Variants in GPR141 observed in about 807,000 individuals in gnomAD.
GPR141 encodes the protein probable G protein-coupled receptor 141.
A neutral mutation model predicts 6.8 loss-of-function variants in GPR141; 6 were observed. The observed-to-expected ratio is 0.88, with a 90% CI of 0.48 to 1.74. The LOEUF is 1.74. Ranked by LOEUF, GPR141 falls within the 40% of genes most tolerant of loss-of-function variation. The pLI is 0.01. For synonymous variants in GPR141, 140 were observed against 142.3 expected (o/e 0.98, Z 0.11); for missense variants, 372 against 372.9 (o/e 1.00, Z 0.02).
At chr7:37,713,872 C>A (rs1390107013) in intron 2 of GPR141, among the ~76,000 whole-genome samples, 1 of 152,158 alleles carries the variant, frequency 6.6e-6, no homozygotes, top group Non-Finnish European at 1.5e-5. Context: ...TTAAACCTTA[C>A]AACAATACTG....
chr7:37,740,531 C>T lies in GPR141; in HGVS notation c.138C>T (p.Asn46=), dbSNP rs768624883. 4 of 1,613,962 alleles carry T rather than the reference C, an allele frequency of 2.5e-6. No homozygotes were observed. Among genetic ancestry groups the T allele is most frequent in the Admixed American group, 1.7e-5 (1 of 59,982 alleles). Reference sequence around the variant, plus strand: ...TTCTTTTCCTCCTGGTGAAAATGAACACCCGGTCAGTGACCACCATGGCGG... The same window carrying T: ...TTCTTTTCCTCCTGGTGAAAATGAATACCCGGTCAGTGACCACCATGGCGG... ...ISILFLLVKM[N]TRSVTTMAVI... The change falls in exon 3 of 3, where the codon AAC becomes AAT. Residue 46 remains asparagine (N), a synonymous_variant. Transcript: ENST00000334425.
intron 2 of GPR141, among the ~76,000 whole-genome samples, chr7:37,718,567 G>C (rs1811163204): frequency 6.7e-6 from 1 of 149,062 alleles, no homozygotes; most frequent in Non-Finnish European, 1.5e-5. Flanking sequence ...AAAGAAAGAA[G>C]GAAGGGATTC....
At chr7:37,686,241 G>C (rs1232969468) in intron 2 of GPR141, among the ~76,000 whole-genome samples, 1 of 149,422 alleles carries the variant, frequency 6.7e-6, no homozygotes, top group Non-Finnish European at 1.5e-5. Context: ...GGCTCAAGCA[G>C]TCTTCCTGAC....
At chr7:37,711,575 TC>T (rs1174839691) in intron 2 of GPR141, among the ~76,000 whole-genome samples, 1 of 152,162 alleles carries the variant, frequency 6.6e-6, no homozygotes, top group Non-Finnish European at 1.5e-5. Context: ...TTGAGATAAC[TC>T]CTCCTTTTAA....
At chr7:37,696,571 A>G (rs1810025691) in intron 2 of GPR141, among the ~76,000 whole-genome samples, 1 of 151,538 alleles carries the variant, frequency 6.6e-6, no homozygotes, top group Non-Finnish European at 1.5e-5. Context: ...AGCCCAGCAC[A>G]AGGACCACTG....
intron 1 of GPR141, among the ~76,000 whole-genome samples, chr7:37,684,288 A>G (rs909484066): frequency 6.6e-6 from 1 of 152,090 alleles, no homozygotes; most frequent in Non-Finnish European, 1.5e-5. Context: ...AAATCCTTTA[A>G]CTCTATTACT....
intron 2 of GPR141, among the ~76,000 whole-genome samples, chr7:37,696,927 T>A (rs993596672): frequency 2.6e-5 from 4 of 152,048 alleles, no homozygotes; most frequent in Admixed American, 1.3e-4. Flanking sequence ...CTGGAAAAAA[T>A]TTTAATAGTA....
At position 37,728,812 on chromosome 7, in the gene GPR141, A is replaced by G. The variant is rs757325437; in HGVS notation, c.-14-11568A>G. ...CAGGATGGGAGAATCCTGGTGCACC[A>G]GGATAGGGCAGAGGCTTGTTTAGAG... On this transcript the variant is annotated intron_variant, in intron 2 of 2. Transcript: ENST00000334425. 2.6e-5 allele frequency among the ~76,000 whole-genome samples: 4 copies of G among 152,154 alleles called. No homozygotes were observed. The East Asian group carries it at 7.7e-4, about 29-fold the overall frequency.
At chr7:37,693,126 T>C (rs1439343728) in intron 2 of GPR141, among the ~76,000 whole-genome samples, 1 of 152,266 alleles carries the variant, frequency 6.6e-6, no homozygotes, top group African/African-American at 2.4e-5. Flanking sequence ...CTAGGGTTTT[T>C]ATGGTTTTAG....
intron 2 of GPR141, among the ~76,000 whole-genome samples, chr7:37,733,859 T>C (rs529772219): frequency 6.6e-6 from 1 of 152,220 alleles, no homozygotes; most frequent in Admixed American, 6.5e-5. Context: ...CTTCATACGT[T>C]GGATATTTAT....
intron 2 of GPR141, among the ~76,000 whole-genome samples, chr7:37,732,669 A>G (rs1371647097): frequency 6.6e-6 from 1 of 152,196 alleles, no homozygotes; most frequent in African/African-American, 2.4e-5. Flanking sequence ...GTTACACTAT[A>G]GGAACAATAA....
chr7:37,685,776 T>TTA (rs1554337408), intron 2 of GPR141, among the ~76,000 whole-genome samples, 193 bp downstream of exon 2: 1 of 136,146 alleles, frequency 7.3e-6, no homozygotes, highest in African/African-American at 2.9e-5. Context: ...TTTTTTTTTT[T>TTA]AAATAAGAAA....
intron 2 of GPR141, among the ~76,000 whole-genome samples, chr7:37,726,259 T>C (rs982792281): frequency 3.3e-5 from 5 of 152,170 alleles, no homozygotes; most frequent in African/African-American, 4.8e-5. Context: ...CTGAGAAAGG[T>C]GAGAAGCCAT....
chr7:37,693,865 A>G (rs980799241), intron 2 of GPR141, among the ~76,000 whole-genome samples: 1 of 152,156 alleles, frequency 6.6e-6, no homozygotes, highest in Non-Finnish European at 1.5e-5. Context: ...GTAGGGTGTC[A>G]TGTCAGTTCA....
intron 2 of GPR141, among the ~76,000 whole-genome samples, chr7:37,727,752 T>C (rs1483510113): frequency 6.6e-6 from 1 of 152,236 alleles, no homozygotes; most frequent in Non-Finnish European, 1.5e-5. Context: ...CCAATCCTTA[T>C]AATATTTAAA....
intron 2 of GPR141, among the ~76,000 whole-genome samples, chr7:37,728,775 G>A (rs534491270): frequency 3.3e-5 from 5 of 152,224 alleles, no homozygotes; most frequent in African/African-American, 1.2e-4. Context: ...AATCACAAGA[G>A]AATCATGCAG....
chr7:37,699,190 G>T (rs1810160896), intron 2 of GPR141, among the ~76,000 whole-genome samples: 1 of 152,126 alleles, frequency 6.6e-6, no homozygotes, highest in African/African-American at 2.4e-5. Flanking sequence ...AAATATTTGT[G>T]GTTCTGTGGG....
chr7:37,692,109 C>A (rs1809803534), intron 2 of GPR141, among the ~76,000 whole-genome samples: 1 of 152,042 alleles, frequency 6.6e-6, no homozygotes, highest in Admixed American at 6.6e-5. Flanking sequence ...GACCTGTTAT[C>A]TATATTAGGT....
intron 2 of GPR141, among the ~76,000 whole-genome samples, chr7:37,738,857 G>T (rs1161100380): frequency 6.6e-6 from 1 of 151,990 alleles, no homozygotes; most frequent in East Asian, 1.9e-4. Context: ...TCTAGAAAAA[G>T]ATATCATACA....
Sources: gnomAD v4.1 joint callset for allele counts (sites outside exome capture counted in the v4.1 genomes callset) on GRCh38, gnomAD v4.1.1 for gene constraint, MANE v1.5 for transcripts, NCBI Gene and HGNC (gene_info 2026-07-23, HGNC 2026-07-21) for gene names.